The following PTCD3 variants were observed in gnomAD, a reference collection of about 807,000 sequenced individuals.
The protein encoded by PTCD3 is small ribosomal subunit protein mS39.
A neutral mutation model predicts 101.9 loss-of-function variants in PTCD3; 89 were observed. The observed-to-expected ratio is 0.87, with a 90% confidence interval of 0.74 to 1.04. The LOEUF is 1.04. PTCD3 is among the 50% of genes least tolerant of loss of function. PTCD3 has a pLI of 0.00. For synonymous variants in PTCD3, 296 were observed against 278.5 expected (o/e 1.06, Z -0.63); for missense variants, 870 against 828.2 (o/e 1.05, Z -0.62).
In PTCD3 at chr2:86,121,490, T is replaced by A; in HGVS notation, c.550T>A (p.Ser184Thr). The A allele has an allele frequency of 6.2e-7, 1 of 1,600,586 alleles. No homozygotes were observed. The highest frequency in any genetic ancestry group is 8.5e-7 in the Non-Finnish European group (1 of 1,174,078). The change falls in exon 8 of 24, where the codon TCT becomes ACT. Residue 184 changes from serine (S) to threonine (T), a missense_variant. Transcript: ENST00000254630. ...TCTCTTACCCACAGGAACCACTGTG[T>A]CTCTTGAAACAACAAATAGTCTCTT... ...DQLLQAGTTVSLETTNSLLDL... is the reference protein window; with the variant it reads ...DQLLQAGTTVTLETTNSLLDL...
At chr2:86,113,075 G>A (rs1175548523) in intron 4 of PTCD3, among the ~76,000 whole-genome samples, 3 of 152,172 alleles carry the variant, frequency 2.0e-5, no homozygotes, top group African/African-American at 7.2e-5. Context: ...TCTGTTTCCT[G>A]ACTTATAAAT....
chr2:86,140,228 A>T lies in PTCD3; in HGVS notation c.*2669A>T. ...ACTCCCCTTTCAGCAACCTCAAAGC[A>T]AAAAAAAAAAAAAAAAAACCAGTTA... On this transcript the variant is annotated 3_prime_UTR_variant, in exon 24 of 24. Coordinates refer to ENST00000254630, the MANE Select transcript of PTCD3 (RefSeq NM_017952.6). 4.4e-5 allele frequency: 1 copy of T among 22,770 alleles called. No homozygotes were observed. Among genetic ancestry groups the T allele is most frequent in the East Asian group, 6.6e-3 (1 of 152 alleles). 1.4% of individuals were successfully genotyped at this position (22,770 alleles called of 1,614,324 possible). A position where few individuals can be genotyped will look rare whatever the true frequency, so the allele number is the denominator to read the frequency against.
Position 86,125,480 on chromosome 2 carries a change from A to G in PTCD3, c.830A>G (p.Asn277Ser). ...VKHRAYEQAL[N>S]LYTELLNNRL... is the part of the protein sequence containing the mutation. ...CACCGAGCTTATGAGCAGGCATTAA[A>G]CTTGTACACTGAGTTACTAAACAAC... Residue 277 changes from asparagine (N) to serine (S), a missense_variant, in exon 11 of 24, where the codon AAC becomes AGC. By Grantham distance (46) the Asn-to-Ser change is conservative. Transcript: ENST00000254630. The G allele has an allele frequency of 6.2e-7, 1 of 1,613,310 alleles. No individual in the cohort carries two copies. Among genetic ancestry groups the G allele is most frequent in the Non-Finnish European group, 8.5e-7 (1 of 1,179,242 alleles).
At position 86,136,972 on chromosome 2, in the gene PTCD3, T is replaced by C. The variant is rs762244507; in HGVS notation, c.1821-10T>C. The C allele has an allele frequency of 6.2e-7, 1 of 1,612,824 alleles. No individual in the cohort carries two copies. The highest frequency in any genetic ancestry group is 1.1e-5 in the South Asian group (1 of 90,998). On this transcript the variant is annotated splice_polypyrimidine_tract_variant and intron_variant, in intron 22 of 23. Transcript: ENST00000254630. ...CTGGAGAAAGTTCACACTTTGCCTT[T>C]CTTTTACAGAAGTGAGTTGCTGAAT... is the stretch of plus-strand genomic sequence containing the variant.
rs1281605104 is a variant in PTCD3, at chr2:86,121,371, T to C, written c.539-108T>C. Reference sequence around the variant, plus strand: ...AAAGTAGTGGACAACATTAAGTGTGTAGCCCTGAAGACCACCGCTAATATA... The same window carrying C: ...AAAGTAGTGGACAACATTAAGTGTGCAGCCCTGAAGACCACCGCTAATATA... On this transcript the variant is annotated intron_variant, in intron 7 of 23. Transcript: ENST00000254630. 6.3e-6 allele frequency: 4 copies of C among 638,286 alleles called. No individual in the cohort carries two copies. The African/African-American group carries it at 7.4e-5, about 12-fold the overall frequency. 39.5% of individuals were successfully genotyped at this position (638,286 alleles called of 1,614,324 possible).
At chr2:86,120,917 C>T (rs954113245) in intron 7 of PTCD3, among the ~76,000 whole-genome samples, 3 of 152,176 alleles carry the variant, frequency 2.0e-5, no homozygotes, top group Non-Finnish European at 4.4e-5. Context: ...ATTTACTTTT[C>T]TTATAAGATA....
At chr2:86,115,805 G>A (rs942960951) in intron 4 of PTCD3, among the ~76,000 whole-genome samples, 8 of 152,196 alleles carry the variant, frequency 5.3e-5, no homozygotes, top group African/African-American at 1.7e-4. Flanking sequence ...GTAACAGGAC[G>A]TGGGAGAAGG....
In PTCD3 at chr2:86,118,902, A is replaced by G. The variant is rs1408189888; in HGVS notation, c.415-19A>G. ...ACCTTTACCTGTTTGTAGTAACTTTAGTCATCTTGTTTTCCTAGTGTTTAA... is the reference window on the plus strand; with the variant it reads ...ACCTTTACCTGTTTGTAGTAACTTTGGTCATCTTGTTTTCCTAGTGTTTAA... On this transcript the variant is annotated intron_variant, in intron 6 of 23. Transcript: ENST00000254630. The G allele has an allele frequency of 6.2e-7, 1 of 1,607,126 alleles. No homozygotes were observed. Among genetic ancestry groups the G allele is most frequent in the South Asian group, 1.1e-5 (1 of 90,366 alleles).
rs141396917 is a variant in PTCD3, at chr2:86,137,717, T to C, written c.*158T>C. 234 of 1,066,718 alleles carry C rather than the reference T, an allele frequency of 2.2e-4. No individual in the cohort carries two copies. In the African/African-American group the frequency reaches 3.0e-3, roughly 14 times the overall value. The allele number at this position is 1,066,718 out of a possible 1,614,324, so 66.1% of individuals were successfully genotyped here. On this transcript the variant is annotated 3_prime_UTR_variant, in exon 24 of 24. Transcript: ENST00000254630. ...GTACAGTCAGTACACAGCTGACTTA[T>C]GTAGATTTAAGCTGCTAATATGCTA...
At chr2:86,115,037 A>G (rs1426588770) in intron 4 of PTCD3, among the ~76,000 whole-genome samples, 4 of 152,118 alleles carry the variant, frequency 2.6e-5, no homozygotes, top group Admixed American at 2.6e-4. Flanking sequence ...ATATTATACC[A>G]AGTTTCCATA....
intron 21 of PTCD3, chr2:86,135,773 C>G (rs948340135): frequency 1.0e-5 from 4 of 389,898 alleles, no homozygotes; most frequent in African/African-American, 8.4e-5. Context: ...GTGTGGCTCA[C>G]ACGTGTCTCT....
At position 86,108,540 on chromosome 2, in the gene PTCD3, A is replaced by C; in HGVS notation, c.194+4A>C. ...TAATTCCAAAAAAGAAAACTTGGTA[A>C]GTATTCTATCAGTGTTCATTCAGCA... On this transcript the variant is annotated splice_donor_region_variant and intron_variant, in intron 3 of 23. Coordinates refer to ENST00000254630, the MANE Select transcript of PTCD3 (RefSeq NM_017952.6). The C allele has an allele frequency of 1.9e-6, 3 of 1,594,682 alleles. No individual in the cohort carries two copies. Among genetic ancestry groups the C allele is most frequent in the Non-Finnish European group, 2.6e-6 (3 of 1,173,888 alleles).
intron 10 of PTCD3, 35 bp from the exon 11 acceptor site, chr2:86,125,420 A>T (rs2104456233): frequency 1.3e-6 from 2 of 1,587,364 alleles, no homozygotes; most frequent in East Asian, 4.5e-5. Context: ...TCTTAAGTAA[A>T]TGAATTTGAT....
intron 13 of PTCD3, chr2:86,127,597 A>G (rs1480433592): frequency 2.1e-6 from 1 of 465,156 alleles, no homozygotes; most frequent in African/African-American, 2.0e-5. Flanking sequence ...CAACATAATT[A>G]GGTATTTGAA....
intron 11 of PTCD3, 70 bp from the exon 12 acceptor site, chr2:86,125,725 C>A: frequency 8.2e-7 from 1 of 1,221,522 alleles, no homozygotes; most frequent in Middle Eastern, 1.9e-4. Context: ...GGAATGACTG[C>A]TTTGCCTTAA....
Position 86,137,285 on chromosome 2 carries a change from C to T in PTCD3, c.1979+145C>T, listed in dbSNP as rs141293154. ...TTTAATGACTATTTCATTTGTCATG[C>T]AAGTCAGGAAAGCCTATAGATTTGA... On this transcript the variant is annotated intron_variant, in intron 23 of 23. Coordinates refer to ENST00000254630, the MANE Select transcript of PTCD3 (RefSeq NM_017952.6). 1,423 of 1,300,668 alleles carry T rather than the reference C, an allele frequency of 1.1e-3. 23 individuals are homozygous for T. The East Asian group carries it at 0.032, about 30-fold the overall frequency. 80.6% of individuals were successfully genotyped at this position (1,300,668 alleles called of 1,614,324 possible).
rs1010134678 is a variant in PTCD3 at position 86,111,413 on chromosome 2, C to T, written c.240+255C>T. ...ACCATCCTGGCTAACACAGTGAAAC[C>T]CCGTCTCTACTGAAAATATAAAAAA... On this transcript the variant is annotated intron_variant, in intron 4 of 23. Transcript: ENST00000254630. 3.3e-5 allele frequency among the ~76,000 whole-genome samples: 5 copies of T among 152,000 alleles called. No individual in the cohort carries two copies. In the South Asian group the frequency reaches 1.0e-3, roughly 32 times the overall value.
At position 86,117,041 on chromosome 2, in the gene PTCD3, T is replaced by G; in HGVS notation, c.310-14T>G. 9.7e-7 allele frequency: 1 copy of G among 1,031,274 alleles called. No individual in the cohort carries two copies. The highest frequency in any genetic ancestry group is 1.5e-6 in the Non-Finnish European group (1 of 651,222). The allele number at this position is 1,031,274 out of a possible 1,614,324, so 63.9% of individuals were successfully genotyped here. On this transcript the variant is annotated splice_polypyrimidine_tract_variant and intron_variant, in intron 5 of 23. Transcript: ENST00000254630. ...GTTTAAATTACATGTATTTAAATCT[T>G]TTTCTTTATATAGCGTTCATTTTTA...
intron 3 of PTCD3, among the ~76,000 whole-genome samples, chr2:86,109,141 T>TA (rs761639919): frequency 1.8e-4 from 28 of 152,164 alleles, no homozygotes; most frequent in Non-Finnish European, 3.5e-4. Flanking sequence ...CGCGGTGGCT[T>TA]ACGCCTGTAA....
Sources: allele counts gnomAD v4.1 joint callset (sites outside exome capture counted in the v4.1 genomes callset), GRCh38; gene constraint gnomAD v4.1.1; transcripts MANE v1.5; gene names NCBI Gene and HGNC (gene_info 2026-07-23, HGNC 2026-07-21).